Variants in FDX2 observed in about 807,000 individuals in gnomAD.
The protein encoded by FDX2 is ferredoxin 2.
In FDX2, 13 loss-of-function variants were observed where a neutral mutation model predicts 18.5. That is an observed-to-expected ratio of 0.70 (90% CI 0.46 to 1.12). The LOEUF is 1.12. Among genes scored for constraint, FDX2 ranks in the 50% most tolerant of loss-of-function variants. FDX2 has a pLI of 0.00. For synonymous variants in FDX2, 132 were observed against 106.2 expected (o/e 1.24, Z -1.49); for missense variants, 238 against 250.4 (o/e 0.95, Z 0.34).
chr19:10,311,393 A>AG (rs2040322294), intron 3 of FDX2, among the ~76,000 whole-genome samples: 1 of 144,354 alleles, frequency 6.9e-6, no homozygotes, highest in Non-Finnish European at 1.5e-5. Context: ...ATCAGGCATT[A>AG]GGATTTTGTT....
rs756632042 is a variant in FDX2, at chr19:10,315,754, G to A, written c.160C>T (p.Arg54Cys). Residue 54 changes from arginine (R) to cysteine (C), a missense_variant, in exon 2 of 5, where the codon CGC (arginine) becomes TGC (cysteine). Physicochemically the swap from Arg to Cys is radical, Grantham distance 180 (BLOSUM62 -3). Coordinates refer to ENST00000393708, the MANE Select transcript of FDX2 (RefSeq NM_001031734.4). ...CCCGCGTCCTCCTCTCCAGCCGGGC[G>A]CGAGCCTGGAAAACACGGTTCGGTG... 5 of 1,589,872 alleles carry A rather than the reference G, an allele frequency of 3.1e-6. No individual in the cohort carries two copies. In the African/African-American group the frequency reaches 6.7e-5, roughly 21 times the overall value.
At chr19:10,311,032 A>T in intron 3 of FDX2, 92 bp from the exon 4 acceptor site, 7 of 889,474 alleles carry the variant, frequency 7.9e-6, no homozygotes, top group Non-Finnish European at 1.2e-5. Context: ...CCTCTCTTCC[A>T]CCACGTGCCT....
At chr19:10,314,595 T>C (rs1054019740) in intron 3 of FDX2, among the ~76,000 whole-genome samples, 1 of 151,966 alleles carries the variant, frequency 6.6e-6, no homozygotes, top group African/African-American at 2.4e-5. Context: ...AGAAGTGCTA[T>C]ATATCATATC....
Position 10,315,840 on chromosome 19 carries a change from C to G in FDX2, c.154+12G>C, listed in dbSNP as rs780473366. 423 of 1,596,216 alleles carry G rather than the reference C, an allele frequency of 2.7e-4. No homozygotes were observed. Among genetic ancestry groups the G allele is most frequent in the Non-Finnish European group, 3.4e-4 (396 of 1,173,710 alleles). On this transcript the variant is annotated intron_variant, in intron 1 of 4. Transcript: ENST00000393708. ...ACGGATTAACGCTGCCCGCCCCGGG[C>G]GCCCCAGGTACCTGTCGCTTGAAAC...
intron 3 of FDX2, among the ~76,000 whole-genome samples, chr19:10,314,051 T>C (rs1599293076): frequency 6.6e-6 from 1 of 150,758 alleles, no homozygotes; most frequent in East Asian, 2.0e-4. Flanking sequence ...TGGTGCCATC[T>C]TGGCTCACTG....
intron 3 of FDX2, 95 bp from the exon 4 acceptor site, chr19:10,311,035 A>G: frequency 1.2e-6 from 1 of 820,450 alleles, no homozygotes; most frequent in Non-Finnish European, 1.9e-6. Flanking sequence ...CTCTTCCACC[A>G]CGTGCCTCAC....
rs1334860113 is a variant in FDX2, at chr19:10,315,318, GGTTTTTTT to G, written c.316+60_316+67del. 9.8e-5 allele frequency: 42 copies of G among 428,296 alleles called. 6 individuals are homozygous for G. The highest frequency in any genetic ancestry group is 1.2e-4 in the Non-Finnish European group (35 of 286,566). 26.5% of individuals were successfully genotyped at this position (428,296 alleles called of 1,614,324 possible). On this transcript the variant is annotated intron_variant, in intron 3 of 4. Coordinates refer to ENST00000393708, the MANE Select transcript of FDX2 (RefSeq NM_001031734.4). ...CGTGAAGAGACACACCTAATTTGTGGGTTTTTTTTTTTTTTTTTTTGGACAAATGTATA... is the reference window on the plus strand; with the variant it reads ...CGTGAAGAGACACACCTAATTTGTGGTTTTTTTTTTTTGGACAAATGTATA...
intron 3 of FDX2, among the ~76,000 whole-genome samples, chr19:10,312,631 C>T (rs555949641): frequency 6.6e-6 from 1 of 152,302 alleles, no homozygotes; most frequent in South Asian, 2.1e-4. Flanking sequence ...TTCCCGGATT[C>T]ACGCCATTCT....
chr19:10,314,361 G>A (rs1377286783), intron 3 of FDX2, among the ~76,000 whole-genome samples: 1 of 152,196 alleles, frequency 6.6e-6, no homozygotes, highest in African/African-American at 2.4e-5. Context: ...AGATAAGCAT[G>A]AATAAGGACA....
rs1332390839 is a variant in FDX2, at chr19:10,310,922, A to C, written c.335T>G (p.Leu112Arg). The C allele has an allele frequency of 1.2e-6, 2 of 1,612,990 alleles. No individual in the cohort carries two copies. Among genetic ancestry groups the C allele is most frequent in the South Asian group, 2.2e-5 (2 of 90,992 alleles). Reference sequence around the variant, plus strand: ...ATACACATGGCAGGTGGAGCAGGCCAGGGAGGCTTCACAGGCCCCTAGGGG... The same window carrying C: ...ATACACATGGCAGGTGGAGCAGGCCCGGGAGGCTTCACAGGCCCCTAGGGG... Residue 112 changes from leucine to arginine, a missense_variant, in exon 4 of 5, where the codon CTG (leucine) becomes CGG (arginine). Leu to Arg is a moderately radical substitution (Grantham distance 102). Coordinates refer to ENST00000393708, the MANE Select transcript of FDX2 (RefSeq NM_001031734.4).
At chr19:10,313,671 ATTTTTTTTTTTTTT>A (rs1198833749) in intron 3 of FDX2, among the ~76,000 whole-genome samples, 4 of 45,394 alleles carry the variant, frequency 8.8e-5, no homozygotes, top group Non-Finnish European at 1.4e-4. Flanking sequence ...ATATATATAT[ATTTTTTTTTTTTTT>A]TTTTTTTTTT....
At chr19:10,315,325 T>TTTTG in intron 3 of FDX2, 61 bp downstream of exon 3, 1 of 999,234 alleles carries the variant, frequency 1.0e-6, no homozygotes, top group Non-Finnish European at 1.4e-6. Context: ...GTGGGTTTTT[T>TTTTG]TTTTTTTTTT....
At chr19:10,315,319 GTTTTTTT>G (rs56213243) in intron 3 of FDX2, 60 bp downstream of exon 3, 6 of 597,662 alleles carry the variant, frequency 1.0e-5, no homozygotes, top group South Asian at 2.6e-5. Flanking sequence ...TAATTTGTGG[GTTTTTTT>G]TTTTTTTTTT....
At position 10,310,347 on chromosome 19, in the gene FDX2, C is replaced by T; in HGVS notation, c.*139G>A. ...AGAGCCTGGACATGGGACTCTCTCC[C>T]AAGCAGGGGTGTTGTCCTTCACAGG... On this transcript the variant is annotated 3_prime_UTR_variant, in exon 5 of 5. Transcript: ENST00000393708. 1 of 1,225,188 alleles carries T rather than the reference C, an allele frequency of 8.2e-7. No individual in the cohort carries two copies. The highest frequency in any genetic ancestry group is 1.1e-6 in the Non-Finnish European group (1 of 881,380). 75.9% of individuals were successfully genotyped at this position (1,225,188 alleles called of 1,614,324 possible).
chr19:10,315,551 A>C, intron 2 of FDX2, 59 bp from the exon 3 acceptor site: 1 of 1,579,664 alleles, frequency 6.3e-7, no homozygotes, highest in South Asian at 1.1e-5. Context: ...GCCCGGGTAG[A>C]ATCTAGGGTT....
chr19:10,315,718 G>A lies in FDX2; in HGVS notation c.196C>T (p.Arg66Trp). The A allele has an allele frequency of 3.9e-6, 6 of 1,552,792 alleles. No individual in the cohort carries two copies. The highest frequency in any genetic ancestry group is 5.2e-6 in the Non-Finnish European group (6 of 1,149,708). ...CCCTGCACTCACACGTCCCCGGGCC[G>A]CTCCGGGCCGCCCGCGTCCTCCTCT... The change falls in exon 2 of 5, where the codon CGG (arginine) becomes TGG (tryptophan). Residue 66 changes from arginine (R) to tryptophan (W), a missense_variant. Physicochemically the swap from Arg to Trp is moderately radical, Grantham distance 101. Coordinates refer to ENST00000393708, the MANE Select transcript of FDX2 (RefSeq NM_001031734.4).
Position 10,310,613 on chromosome 19 carries a change from AGGG to A in FDX2, c.431_433del (p.Pro144del). 6.6e-7 allele frequency: 1 copy of A among 1,510,758 alleles called. No individual in the cohort carries two copies. Among genetic ancestry groups the A allele is most frequent in the South Asian group, 1.1e-5 (1 of 89,434 alleles). 93.6% of individuals were successfully genotyped at this position (1,510,758 alleles called of 1,614,324 possible). ...GCCCAGCCGCGAGTTCTCCTGGAGGAGGGGGGCCATGTCTAGCATGTCGTCTTC... is the reference window on the plus strand; with the variant it reads ...GCCCAGCCGCGAGTTCTCCTGGAGGAGGGCCATGTCTAGCATGTCGTCTTC... On this transcript the variant is annotated inframe_deletion, in exon 5 of 5. Coordinates refer to ENST00000393708, the MANE Select transcript of FDX2 (RefSeq NM_001031734.4).
chr19:10,312,626 G>A (rs939551450), intron 3 of FDX2, among the ~76,000 whole-genome samples: 3 of 152,000 alleles, frequency 2.0e-5, no homozygotes, highest in Non-Finnish European at 4.4e-5. Flanking sequence ...TCCGCTTCCC[G>A]GATTCACGCC....
chr19:10,310,568 G>C lies in FDX2; in HGVS notation c.479C>G (p.Pro160Arg). ...GGTGAATTCCGCTCCTTCCAGCTCC[G>C]GTGTCAGCACAATCTGGCAGCCCAG... Residue 160 changes from proline (P) to arginine (R), a missense_variant, in exon 5 of 5, where the codon CCG becomes CGG. Transcript: ENST00000393708. 6.2e-7 allele frequency: 1 copy of C among 1,614,106 alleles called. No homozygotes were observed. Among genetic ancestry groups the C allele is most frequent in the Non-Finnish European group, 8.5e-7 (1 of 1,180,004 alleles).
Sources: allele counts gnomAD v4.1 joint callset (sites outside exome capture counted in the v4.1 genomes callset), GRCh38; gene constraint gnomAD v4.1.1; transcripts MANE v1.5; gene names NCBI Gene and HGNC (gene_info 2026-07-23, HGNC 2026-07-21).